The following TAMM41 variants were observed in gnomAD, a reference collection of about 807,000 sequenced individuals.
TAMM41 encodes phosphatidate cytidylyltransferase, mitochondrial.
In TAMM41, 36 loss-of-function variants were observed where a neutral mutation model predicts 44.1. The observed-to-expected ratio is 0.82, with a 90% CI of 0.63 to 1.08. The LOEUF is 1.08. Ranked by LOEUF, TAMM41 falls within the 50% of genes least tolerant of loss-of-function variation. The pLI is 0.00. For synonymous variants in TAMM41, 164 were observed against 153.1 expected (o/e 1.07, Z -0.53); for missense variants, 417 against 404.3 (o/e 1.03, Z -0.27).
chr3:11,834,892 T>G (rs1445080148), intron 3 of TAMM41, among the ~76,000 whole-genome samples: 7 of 152,164 alleles, frequency 4.6e-5, no homozygotes, highest in Non-Finnish European at 8.8e-5. Flanking sequence ...TTCACCATGT[T>G]GGCCAGGCTG....
the TAMM41 span, among the ~76,000 whole-genome samples, chr3:11,739,080 G>T: frequency 6.6e-6 from 1 of 152,160 alleles, no homozygotes; most frequent in Non-Finnish European, 1.5e-5. Flanking sequence ...TCTATGCTTT[G>T]GTGTATGCAG....
chr3:11,745,204 A>T, the TAMM41 span, among the ~76,000 whole-genome samples: 1 of 152,094 alleles, frequency 6.6e-6, no homozygotes, highest in South Asian at 2.1e-4. Context: ...GGTGGTGCAC[A>T]CCTGTAGTCC....
rs140554875 is a variant in TAMM41 at position 11,815,899 on chromosome 3, G to A, written c.708+1293C>T. 1.0e-3 allele frequency among the ~76,000 whole-genome samples: 157 copies of A among 152,290 alleles called. No homozygotes were observed. The East Asian group carries it at 0.024, about 23-fold the overall frequency. ...TAAGCAGGGCTGAGAATGTGGGAAC[G>A]TATGCAGCACGGAACTGCTCTTTTT... is the stretch of plus-strand genomic sequence containing the variant. On this transcript the variant is annotated intron_variant, in intron 5 of 7. Coordinates refer to ENST00000455809, the MANE Select transcript of TAMM41 (RefSeq NM_001284401.2).
At chr3:11,734,013 G>A in the TAMM41 span, among the ~76,000 whole-genome samples, 16 of 151,264 alleles carry the variant, frequency 1.1e-4, no homozygotes, top group African/African-American at 3.2e-4. Flanking sequence ...TCCTCATTAT[G>A]TGGGCCAGCA....
intron 7 of TAMM41, chr3:11,807,317 G>A (rs1487130351): frequency 1.4e-6 from 2 of 1,446,962 alleles, no homozygotes; most frequent in African/African-American, 2.9e-5. Context: ...TACATTTGAT[G>A]AGGGTGGGTG....
intron 3 of TAMM41, among the ~76,000 whole-genome samples, chr3:11,838,317 C>T (rs748542049): frequency 1.3e-5 from 2 of 152,132 alleles, no homozygotes; most frequent in Admixed American, 1.3e-4. Context: ...CAGATTCACG[C>T]GATTCTCCTG....
the TAMM41 span, among the ~76,000 whole-genome samples, chr3:11,785,243 G>C: frequency 3.9e-5 from 6 of 152,172 alleles, no homozygotes; most frequent in African/African-American, 7.2e-5. Context: ...CAGATCAGAA[G>C]ATAGGAGGAA....
intron 7 of TAMM41, among the ~76,000 whole-genome samples, chr3:11,797,569 A>C (rs2077635837): frequency 6.6e-6 from 1 of 151,996 alleles, no homozygotes; most frequent in Non-Finnish European, 1.5e-5. Flanking sequence ...CATTCTGGAC[A>C]TAAGAATGGG....
the TAMM41 span, among the ~76,000 whole-genome samples, chr3:11,762,528 G>A: frequency 1.3e-5 from 2 of 152,138 alleles, no homozygotes; most frequent in Non-Finnish European, 2.9e-5. Flanking sequence ...TATGTGCTCC[G>A]TTATTATTTG....
the TAMM41 span, among the ~76,000 whole-genome samples, chr3:11,769,763 C>T: frequency 6.6e-6 from 1 of 152,206 alleles, no homozygotes; most frequent in East Asian, 1.9e-4. Context: ...GGAAGTGCAA[C>T]CAAGGCAGAG....
chr3:11,781,490 T>C, the TAMM41 span, among the ~76,000 whole-genome samples: 1 of 152,076 alleles, frequency 6.6e-6, no homozygotes, highest in African/African-American at 2.4e-5. Context: ...ATCCCAGCAC[T>C]TTGGGAGGCC....
At chr3:11,740,409 T>A in the TAMM41 span, among the ~76,000 whole-genome samples, 1 of 152,094 alleles carries the variant, frequency 6.6e-6, no homozygotes, top group Non-Finnish European at 1.5e-5. Flanking sequence ...AATGGAAACA[T>A]CTTGCACAAC....
chr3:11,767,877 C>G, the TAMM41 span, among the ~76,000 whole-genome samples: 1 of 151,388 alleles, frequency 6.6e-6, no homozygotes, highest in Non-Finnish European at 1.5e-5. Context: ...CCCGCCTCGG[C>G]CTCCCAAAGT....
chr3:11,743,776 G>A, the TAMM41 span, among the ~76,000 whole-genome samples: 4 of 152,108 alleles, frequency 2.6e-5, no homozygotes, highest in Admixed American at 6.6e-5. Flanking sequence ...ATACAGCAGC[G>A]CTTTCAGTTT....
At chr3:11,746,332 C>T in the TAMM41 span, among the ~76,000 whole-genome samples, 2 of 150,924 alleles carry the variant, frequency 1.3e-5, no homozygotes, top group African/African-American at 2.4e-5. Context: ...TTTAAACATG[C>T]ACTTACCATA....
chr3:11,747,357 C>T, the TAMM41 span, among the ~76,000 whole-genome samples: 327 of 152,244 alleles, frequency 2.1e-3, 3 homozygotes, highest in African/African-American at 7.5e-3. Flanking sequence ...CCACCATGCC[C>T]GGCCAGTGTG....
the TAMM41 span, among the ~76,000 whole-genome samples, chr3:11,768,777 T>C: frequency 2.0e-5 from 3 of 152,322 alleles, no homozygotes; most frequent in South Asian, 6.2e-4. Flanking sequence ...TAGCTCACTA[T>C]CTAGTGGGAG....
intron 5 of TAMM41, among the ~76,000 whole-genome samples, chr3:11,814,455 A>C (rs765763582): frequency 3.6e-4 from 55 of 152,186 alleles, no homozygotes; most frequent in Admixed American, 1.9e-3. Flanking sequence ...TTAGAAAACC[A>C]ATCAGAAATA....
chr3:11,815,965 C>T (rs1242623817), intron 5 of TAMM41, among the ~76,000 whole-genome samples: 1 of 152,164 alleles, frequency 6.6e-6, no homozygotes, highest in Non-Finnish European at 1.5e-5. Flanking sequence ...AAATCATGTA[C>T]ATGCATAAAA....
Sources: allele counts gnomAD v4.1 joint callset (sites outside exome capture counted in the v4.1 genomes callset), GRCh38; gene constraint gnomAD v4.1.1; transcripts MANE v1.5; gene names NCBI Gene and HGNC (gene_info 2026-07-23, HGNC 2026-07-21).